TNKS: variants seen among roughly 807,000 people sequenced by gnomAD.
TNKS encodes tankyrase.
Under a neutral mutation model 135.8 loss-of-function variants are expected in TNKS, and 72 were observed. The observed-to-expected ratio is 0.53, with a 90% confidence interval of 0.44 to 0.64. The LOEUF is 0.64. Ranked by LOEUF, TNKS falls within the 30% of genes least tolerant of loss-of-function variation. The pLI, the probability that TNKS is intolerant of heterozygous loss-of-function variation, is 0.00. For synonymous variants in TNKS, 849 were observed against 649.3 expected, an observed-to-expected ratio of 1.31 and a Z score of -4.68; for missense variants, 1,769 against 1,674.0, an observed-to-expected ratio of 1.06 and a Z score of -0.99.
At chr8:9,749,898 C>A (rs1806431481) in intron 18 of TNKS, among the ~76,000 whole-genome samples, 1 of 152,158 alleles carries the variant, frequency 6.6e-6, no homozygotes, top group East Asian at 1.9e-4. Flanking sequence ...ATTTTCGGGA[C>A]CCTGAGCCTT....
At chr8:9,690,698 GTAAA>G (rs111694196) in intron 5 of TNKS, among the ~76,000 whole-genome samples, 17,305 of 151,858 alleles carry the variant, frequency 0.11, 1,262 homozygotes, top group East Asian at 0.21. Flanking sequence ...ATGTAAGTAA[GTAAA>G]TAAATAAATA....
intron 2 of TNKS, among the ~76,000 whole-genome samples, chr8:9,580,840 C>A (rs938669336): frequency 6.6e-6 from 1 of 151,962 alleles, no homozygotes; most frequent in Non-Finnish European, 1.5e-5. Context: ...AGAACTTAAT[C>A]GTTTCAATAT....
intron 1 of TNKS, chr8:9,557,387 C>CCCA (rs1815368370): frequency 6.8e-6 from 1 of 146,968 alleles, no homozygotes; most frequent in African/African-American, 2.5e-5. Context: ...AGCTCTGGAC[C>CCCA]CCACACTTGT....
chr8:9,731,181 C>G (rs1805419592), intron 14 of TNKS, 146 bp downstream of exon 14: 1 of 1,098,976 alleles, frequency 9.1e-7, no homozygotes, highest in Non-Finnish European at 1.2e-6. Context: ...AGAAATGTGC[C>G]AGGCATGGTG....
At position 9,776,788 on chromosome 8, in the gene TNKS, C is replaced by A; in HGVS notation, c.*52C>A. On this transcript the variant is annotated 3_prime_UTR_variant, in exon 27 of 27. Coordinates refer to ENST00000310430, the MANE Select transcript of TNKS (RefSeq NM_003747.3). The stretch of plus-strand genomic sequence containing the variant: ...CAGATTTCAACCTGGGACTGGATTA[C>A]AGAGGATTGTTTCTAATAACAACAT... 1 of 1,532,194 alleles carries A rather than the reference C, an allele frequency of 6.5e-7. No individual in the cohort carries two copies. Among genetic ancestry groups the A allele is most frequent in the Non-Finnish European group, 9.0e-7 (1 of 1,107,020 alleles). 94.9% of individuals were successfully genotyped at this position (1,532,194 alleles called of 1,614,324 possible). A position where few individuals can be genotyped will look rare whatever the true frequency, so the allele number is the denominator to read the frequency against.
chr8:9,648,282 G>C (rs1037348210), intron 3 of TNKS, among the ~76,000 whole-genome samples: 3 of 151,966 alleles, frequency 2.0e-5, no homozygotes, highest in Non-Finnish European at 2.9e-5. Flanking sequence ...CTTTGTAAAA[G>C]TTTCATTTTT....
intron 3 of TNKS, among the ~76,000 whole-genome samples, chr8:9,629,572 C>G (rs1732915728): frequency 1.3e-5 from 2 of 152,178 alleles, no homozygotes; most frequent in African/African-American, 2.4e-5. Flanking sequence ...TGGTTTCTCT[C>G]TTGGGTTCTT....
chr8:9,595,003 T>A (rs1453060125), intron 2 of TNKS, among the ~76,000 whole-genome samples: 1 of 152,202 alleles, frequency 6.6e-6, no homozygotes, highest in African/African-American at 2.4e-5. Flanking sequence ...TAGTTGAAAA[T>A]TCAGTGAAGC....
chr8:9,588,375 C>A (rs1314332957), intron 2 of TNKS, among the ~76,000 whole-genome samples: 1 of 151,924 alleles, frequency 6.6e-6, no homozygotes, highest in African/African-American at 2.4e-5. Flanking sequence ...CCCAGGTTCA[C>A]GCCATGCTCT....
intron 3 of TNKS, among the ~76,000 whole-genome samples, chr8:9,649,884 T>C (rs955431286): frequency 8.6e-4 from 2 of 2,338 alleles, no homozygotes; most frequent in South Asian, 0.083. Flanking sequence ...TTTTCTTTTT[T>C]TTTTTTTTTT....
intron 3 of TNKS, among the ~76,000 whole-genome samples, chr8:9,664,471 T>A (rs1801894690): frequency 6.6e-6 from 1 of 152,218 alleles, no homozygotes; most frequent in African/African-American, 2.4e-5. Context: ...ACATTGGGCA[T>A]CCAATTTCAA....
At chr8:9,706,715 T>C in intron 7 of TNKS, 96 bp from the exon 8 acceptor site, 1 of 1,196,196 alleles carries the variant, frequency 8.4e-7, no homozygotes, top group Non-Finnish European at 1.2e-6. Flanking sequence ...TTTGAACAAG[T>C]TATAACTGAA....
intron 13 of TNKS, among the ~76,000 whole-genome samples, chr8:9,729,397 T>C (rs935172568): frequency 6.6e-6 from 1 of 152,206 alleles, no homozygotes; most frequent in Non-Finnish European, 1.5e-5. Flanking sequence ...GCAAAATTAG[T>C]GAATACCTGA....
chr8:9,662,815 T>C (rs1406262447), intron 3 of TNKS, among the ~76,000 whole-genome samples: 1 of 152,224 alleles, frequency 6.6e-6, no homozygotes, highest in Admixed American at 6.5e-5. Context: ...GAGGCATCAT[T>C]CACTGTTGTT....
At chr8:9,638,128 C>T (rs1269309850) in intron 3 of TNKS, among the ~76,000 whole-genome samples, 3 of 152,184 alleles carry the variant, frequency 2.0e-5, no homozygotes, top group Non-Finnish European at 4.4e-5. Flanking sequence ...GCGTACGCCA[C>T]TATAACTAGC....
At chr8:9,574,966 G>C (rs1336683818) in intron 1 of TNKS, 3 of 853,232 alleles carry the variant, frequency 3.5e-6, no homozygotes, top group Non-Finnish European at 4.2e-6. Flanking sequence ...TAAGAAGCAA[G>C]TGGAGATGCT....
chr8:9,710,274 T>C, intron 11 of TNKS, 54 bp downstream of exon 11: 1 of 1,518,726 alleles, frequency 6.6e-7, no homozygotes, highest in Non-Finnish European at 9.1e-7. Context: ...AGCCAGCTGC[T>C]CTTAACACTG....
intron 2 of TNKS, among the ~76,000 whole-genome samples, chr8:9,611,645 G>A (rs920130434): frequency 7.9e-5 from 12 of 152,268 alleles, no homozygotes; most frequent in African/African-American, 2.9e-4. Context: ...AGTACAGTGT[G>A]GCATTCTTGA....
intron 1 of TNKS, among the ~76,000 whole-genome samples, chr8:9,567,672 C>T (rs534796712): frequency 6.6e-6 from 1 of 152,212 alleles, no homozygotes; most frequent in Non-Finnish European, 1.5e-5. Context: ...CCGCCTTGGC[C>T]TCCCAAAGTG....
Sources: allele counts gnomAD v4.1 joint callset (sites outside exome capture counted in the v4.1 genomes callset), GRCh38; gene constraint gnomAD v4.1.1; transcripts MANE v1.5; gene names NCBI Gene and HGNC (gene_info 2026-07-23, HGNC 2026-07-21).